The following ZNF517 variants were observed in gnomAD, a reference collection of about 807,000 sequenced individuals.
ZNF517 encodes the protein zinc finger protein 517.
Under a neutral mutation model 12.1 loss-of-function variants are expected in ZNF517, and 12 were observed. The observed-to-expected ratio is 0.99, with a 90% CI of 0.63 to 1.61. The LOEUF (loss-of-function observed/expected upper bound fraction) is 1.61, where lower values mean the gene tolerates loss of function less well. ZNF517 is among the 40% of genes most tolerant of loss of function. ZNF517 has a pLI of 0.00. For missense variants in ZNF517, 781 were observed against 693.2 expected (o/e 1.13, Z -1.42); for synonymous variants, 388 against 310.2 (o/e 1.25, Z -2.63).
At chr8:144,802,680 A>T in intron 1 of ZNF517, 190 bp from the exon 2 acceptor site, 1 of 881,836 alleles carries the variant, frequency 1.1e-6, no homozygotes, top group Non-Finnish European at 1.4e-6. Flanking sequence ...GAGCCAGAAA[A>T]CATTGGAAGG....
chr8:144,804,485 C>T (rs1054945271), intron 4 of ZNF517, among the ~76,000 whole-genome samples: 3 of 152,296 alleles, frequency 2.0e-5, no homozygotes, highest in Non-Finnish European at 2.9e-5. Context: ...TCTGTGCTCA[C>T]AGTGCCATTA....
At chr8:144,803,483 A>G in intron 2 of ZNF517, 158 bp from the exon 3 acceptor site, 1 of 909,862 alleles carries the variant, frequency 1.1e-6, no homozygotes, top group Non-Finnish European at 1.6e-6. Context: ...GAGGCCGCTC[A>G]CTCGGGGGGT....
At chr8:144,799,521 C>A (rs979747454) in intron 1 of ZNF517, among the ~76,000 whole-genome samples, 1 of 152,228 alleles carries the variant, frequency 6.6e-6, no homozygotes, top group African/African-American at 2.4e-5. Flanking sequence ...GTTAGTGTAA[C>A]AGGCAATAAC....
chr8:144,813,032 A>G (rs1397860548), downstream of ZNF517, among the ~76,000 whole-genome samples: 6 of 152,166 alleles, frequency 3.9e-5, no homozygotes, highest in Non-Finnish European at 8.8e-5. Flanking sequence ...AATTTAACCA[A>G]TGAGGCTGGG....
chr8:144,803,592 G>A (rs1827073762), intron 2 of ZNF517, 49 bp from the exon 3 acceptor site: 5 of 1,609,476 alleles, frequency 3.1e-6, no homozygotes, highest in Non-Finnish European at 4.2e-6. Context: ...CATCTGCTGG[G>A]TTCTCACCGA....
downstream of ZNF517, among the ~76,000 whole-genome samples, chr8:144,812,407 T>C (rs566150129): frequency 3.5e-5 from 5 of 144,548 alleles, no homozygotes; most frequent in South Asian, 2.3e-4. Context: ...GACTGCAGAA[T>C]GGAAGCAAAG....
chr8:144,805,764 C>T (rs1037770899), intron 4 of ZNF517, among the ~76,000 whole-genome samples: 3 of 151,498 alleles, frequency 2.0e-5, no homozygotes, highest in Non-Finnish European at 4.4e-5. Flanking sequence ...TACAGACGCC[C>T]ACCACCACGC....
intron 1 of ZNF517, 51 bp from the exon 2 acceptor site, chr8:144,802,819 G>A: frequency 2.5e-6 from 4 of 1,604,438 alleles, no homozygotes; most frequent in Admixed American, 1.7e-5. Flanking sequence ...CTGGGGGGCT[G>A]GAGGGCCTTA....
intron 4 of ZNF517, among the ~76,000 whole-genome samples, chr8:144,806,306 G>C (rs1392681275): frequency 6.6e-6 from 1 of 152,122 alleles, no homozygotes; most frequent in Non-Finnish European, 1.5e-5. Flanking sequence ...AAGGAGAGAG[G>C]AGTAAAGAAC....
chr8:144,803,509 C>G (rs759557571), intron 2 of ZNF517, 132 bp from the exon 3 acceptor site: 444 of 1,289,734 alleles, frequency 3.4e-4, no homozygotes, highest in Non-Finnish European at 4.5e-4. Flanking sequence ...GCTGCCCTTT[C>G]TCTGCTGGGC....
In ZNF517 at chr8:144,807,294, C is replaced by A; in HGVS notation, c.378C>A (p.His126Gln). The A allele has an allele frequency of 6.4e-7, 1 of 1,553,806 alleles. No homozygotes were observed. The highest frequency in any genetic ancestry group is 8.7e-7 in the Non-Finnish European group (1 of 1,150,400). ...GTVWGCLPWG[H>Q]PVGGHPAPPH... ...TGTGGGGGTGCCTCCCCTGGGGGCA[C>A]CCTGTGGGGGGGCACCCTGCACCAC... is the stretch of plus-strand genomic sequence containing the variant. Residue 126 changes from histidine to glutamine, a missense_variant, in exon 5 of 5, where the codon CAC (histidine) becomes CAA (glutamine). Coordinates refer to ENST00000359971, the MANE Select transcript of ZNF517 (RefSeq NM_213605.3).
chr8:144,808,026 C>A lies in ZNF517; in HGVS notation c.1110C>A (p.Cys370Ter). The A allele has an allele frequency of 6.3e-7, 1 of 1,592,172 alleles. No homozygotes were observed. The highest frequency in any genetic ancestry group is 1.3e-5 in the African/African-American group (1 of 74,606). ...AGGCGGGGGACCCGCCCCACGAGTGCCCGGTGTGCGGGAGGCCGTTCCGAC... is the reference window on the plus strand; with the variant it reads ...AGGCGGGGGACCCGCCCCACGAGTGACCGGTGTGCGGGAGGCCGTTCCGAC... ...RPQAGDPPHE[C>*]PVCGRPFRHN... is the part of the protein sequence containing the mutation. The change falls in exon 5 of 5, where the codon TGC (cysteine) becomes TGA (stop). Residue 370 changes from cysteine to a stop codon, truncating the protein, a stop_gained. Coordinates refer to ENST00000359971, the MANE Select transcript of ZNF517 (RefSeq NM_213605.3). LOFTEE classifies it low-confidence loss of function (END_TRUNC).
rs761817343 is a variant in ZNF517, at chr8:144,808,153, C to T, written c.1237C>T (p.Leu413=). The T allele has an allele frequency of 3.7e-6, 6 of 1,610,936 alleles. No individual in the cohort carries two copies. The highest frequency in any genetic ancestry group is 3.3e-5 in the South Asian group (3 of 90,688). ...KAFGRKSNLT[L]HQKIHTKEKP... is the part of the protein sequence containing the mutation. ...CTTCGGTCGCAAGTCCAACCTCACT[C>T]TGCACCAGAAGATCCACACCAAGGA... is the stretch of plus-strand genomic sequence containing the variant. The change falls in exon 5 of 5, where the codon CTG becomes TTG. Residue 413 remains leucine (L), a synonymous_variant. Transcript: ENST00000359971.
downstream of ZNF517, among the ~76,000 whole-genome samples, chr8:144,812,441 C>G (rs371587069): frequency 7.3e-6 from 1 of 136,966 alleles, no homozygotes; most frequent in Admixed American, 7.4e-5. Context: ...GGGAGAGACA[C>G]GGACAGTAAA....
Position 144,808,472 on chromosome 8 carries a change from C to G in ZNF517, c.*77C>G, listed in dbSNP as rs780825066. On this transcript the variant is annotated 3_prime_UTR_variant, in exon 5 of 5. Coordinates refer to ENST00000359971, the MANE Select transcript of ZNF517 (RefSeq NM_213605.3). The stretch of plus-strand genomic sequence containing the variant: ...GGGGCCCTAGCGCAGAAATTCAGAA[C>G]CCCCTGTCCTGAAGGTGAAGCAAAG... The G allele has an allele frequency of 8.5e-6, 12 of 1,404,418 alleles. No homozygotes were observed. Among genetic ancestry groups the G allele is most frequent in the Non-Finnish European group, 1.1e-5 (12 of 1,079,394 alleles). 87.0% of individuals were successfully genotyped at this position (1,404,418 alleles called of 1,614,324 possible). A position where few individuals can be genotyped will look rare whatever the true frequency, so the allele number is the denominator to read the frequency against.
rs772642903 is a variant in ZNF517 at position 144,807,963 on chromosome 8, G to A, written c.1047G>A (p.Val349=). 1 of 1,504,432 alleles carries A rather than the reference G, an allele frequency of 6.6e-7. No individual in the cohort carries two copies. Among genetic ancestry groups the A allele is most frequent in the Non-Finnish European group, 8.9e-7 (1 of 1,129,340 alleles). The allele number at this position is 1,504,432 out of a possible 1,614,324, so 93.2% of individuals were successfully genotyped here. A position where few individuals can be genotyped will look rare whatever the true frequency, so the allele number is the denominator to read the frequency against. The change falls in exon 5 of 5, where the codon GTG becomes GTA. Residue 349 remains valine, a synonymous_variant. Coordinates refer to ENST00000359971, the MANE Select transcript of ZNF517 (RefSeq NM_213605.3). The stretch of plus-strand genomic sequence containing the variant: ...AGGAGGGTGCCCAGGACGGCGGCGT[G>A]GGGCAGGGCGCCCTGCTCGGAGCTG... ...HAQEGAQDGG[V]GQGALLGAAQ...
Position 144,803,694 on chromosome 8 carries a change from T to C in ZNF517, c.87T>C (p.Ser29=). The part of the protein sequence containing the change: ...VAVYFTRIEW[S]CLAPDQQALY... ...TGTACTTCACAAGGATAGAGTGGAG[T>C]TGCCTGGCCCCCGACCAGCAGGCAC... Residue 29 remains serine, a synonymous_variant, in exon 3 of 5, where the codon AGT becomes AGC. Coordinates refer to ENST00000359971, the MANE Select transcript of ZNF517 (RefSeq NM_213605.3). 2 of 1,613,932 alleles carry C rather than the reference T, an allele frequency of 1.2e-6. No individual in the cohort carries two copies. Among genetic ancestry groups the C allele is most frequent in the Non-Finnish European group, 1.7e-6 (2 of 1,179,952 alleles).
At chr8:144,800,115 C>T (rs1201762549) in intron 1 of ZNF517, among the ~76,000 whole-genome samples, 3 of 151,688 alleles carry the variant, frequency 2.0e-5, no homozygotes, top group African/African-American at 7.3e-5. Context: ...GCTTATTCTG[C>T]GTATGGAAGG....
chr8:144,807,568 T>A lies in ZNF517; in HGVS notation c.652T>A (p.Ser218Thr). The change falls in exon 5 of 5, where the codon TCC becomes ACC. Residue 218 changes from serine to threonine, a missense_variant. Coordinates refer to ENST00000359971, the MANE Select transcript of ZNF517 (RefSeq NM_213605.3). ...GTGCGGGAAGGCCTTCAAGCAAAGC[T>A]CCATCCTGCTGCGGCACCAGCTGAT... Reference protein sequence around the residue: ...TECGKAFKQSSILLRHQLIHT... With the variant: ...TECGKAFKQSTILLRHQLIHT... 6.2e-7 allele frequency: 1 copy of A among 1,600,950 alleles called. No homozygotes were observed. Among genetic ancestry groups the A allele is most frequent in the South Asian group, 1.1e-5 (1 of 89,330 alleles).
Sources: gnomAD v4.1 joint callset for allele counts (sites outside exome capture counted in the v4.1 genomes callset) on GRCh38, gnomAD v4.1.1 for gene constraint, MANE v1.5 for transcripts, NCBI Gene and HGNC (gene_info 2026-07-23, HGNC 2026-07-21) for gene names.